CDH20: variants seen among roughly 807,000 people sequenced by gnomAD.
CDH20 encodes cadherin-20.
Under a neutral mutation model 74.2 loss-of-function variants are expected in CDH20, and 29 were observed. That is an observed-to-expected ratio of 0.39 (90% confidence interval 0.29 to 0.53). CDH20 has a LOEUF of 0.53. CDH20 is among the 20% of genes least tolerant of loss of function. CDH20 has a pLI of 0.69. For synonymous variants in CDH20, 469 were observed against 405.4 expected, an observed-to-expected ratio of 1.16 and a Z score of -1.88; for missense variants, 988 against 1,048.3, an observed-to-expected ratio of 0.94 and a Z score of 0.79.
At chr18:61,379,657 A>C (rs1314453924) in intron 1 of CDH20, among the ~76,000 whole-genome samples, 1 of 152,180 alleles carries the variant, frequency 6.6e-6, no homozygotes, top group Non-Finnish European at 1.5e-5. Flanking sequence ...AGCTAAGAAA[A>C]CATCAGAAAG....
chr18:61,341,122 T>A (rs1909934709), intron 1 of CDH20, among the ~76,000 whole-genome samples: 1 of 152,126 alleles, frequency 6.6e-6, no homozygotes, highest in Non-Finnish European at 1.5e-5. Context: ...CCCACACGGG[T>A]GCCAATGTTC....
chr18:61,443,341 T>C (rs1201989358), intron 1 of CDH20, among the ~76,000 whole-genome samples: 6 of 152,178 alleles, frequency 3.9e-5, no homozygotes, highest in African/African-American at 1.4e-4. Flanking sequence ...TCTTTTGCTA[T>C]GTAGGAATAT....
chr18:61,357,472 G>C (rs76409000), intron 1 of CDH20, among the ~76,000 whole-genome samples: 6,305 of 152,238 alleles, frequency 0.041, 185 homozygotes, highest in Non-Finnish European at 0.054. Flanking sequence ...AAATCATTAA[G>C]GGGCCAAATT....
chr18:61,334,657 C>G (rs1568098568), intron 1 of CDH20, among the ~76,000 whole-genome samples: 1 of 152,132 alleles, frequency 6.6e-6, no homozygotes, highest in Non-Finnish European at 1.5e-5. Flanking sequence ...GCCTAGCTAT[C>G]CGCCTCTGGG....
intron 1 of CDH20, among the ~76,000 whole-genome samples, chr18:61,447,047 CT>C (rs1244061748): frequency 2.0e-5 from 3 of 152,206 alleles, no homozygotes; most frequent in Non-Finnish European, 1.5e-5. Context: ...GAAGAGTTTT[CT>C]CTTAGGAAGA....
intron 1 of CDH20, among the ~76,000 whole-genome samples, chr18:61,391,418 C>T (rs983255746): frequency 1.3e-5 from 2 of 151,900 alleles, no homozygotes; most frequent in African/African-American, 4.8e-5. Flanking sequence ...TATAAAATAT[C>T]CATTAAGAGA....
Position 61,507,394 on chromosome 18 carries a change from T to C in CDH20, c.851T>C (p.Leu284Ser), listed in dbSNP as rs373320250. 1 of 1,613,926 alleles carries C rather than the reference T, an allele frequency of 6.2e-7. No homozygotes were observed. Among genetic ancestry groups the C allele is most frequent in the African/African-American group, 1.3e-5 (1 of 75,042 alleles). Residue 284 changes from leucine to serine, a missense_variant, in exon 6 of 12, where the codon TTG becomes TCG. Transcript: ENST00000262717. ...FPQKHYQMSV[L>S]ESAPISSTVG... ...GTAGAACATTACCAGATGAGTGTGT[T>C]GGAATCAGCTCCAATTAGCTCCACT...
intron 1 of CDH20, among the ~76,000 whole-genome samples, chr18:61,476,579 G>A (rs1490956011): frequency 2.6e-5 from 4 of 152,164 alleles, no homozygotes; most frequent in Non-Finnish European, 5.9e-5. Context: ...GTAGAAGGTC[G>A]ATGATAAAGG....
chr18:61,451,201 G>A (rs114580938), intron 1 of CDH20, among the ~76,000 whole-genome samples: 2,163 of 151,406 alleles, frequency 0.014, 49 homozygotes, highest in African/African-American at 0.048. Context: ...TCTGCCCCAG[G>A]GACAGTGGTA....
At chr18:61,476,249 C>G (rs1205562233) in intron 1 of CDH20, among the ~76,000 whole-genome samples, 1 of 152,126 alleles carries the variant, frequency 6.6e-6, no homozygotes, top group East Asian at 1.9e-4. Flanking sequence ...TCCCCAAAGT[C>G]ATCACTCTGT....
In CDH20 at chr18:61,375,914, C is replaced by T. The variant is rs1367089632; in HGVS notation, c.-153+42087C>T. ...ATCCAACTGCATTATCCTTCCACCA[C>T]CATCTTTCTTTGTATAGACTTAATT... On this transcript the variant is annotated intron_variant, in intron 1 of 11. Coordinates refer to ENST00000262717, the MANE Select transcript of CDH20 (RefSeq NM_031891.4). Among the ~76,000 whole-genome samples the T allele has an allele frequency of 2.0e-5, 3 of 152,060 alleles. No homozygotes were observed. In the East Asian group the frequency reaches 5.8e-4, roughly 29 times the overall value.
chr18:61,476,956 C>T (rs894402672), intron 1 of CDH20, among the ~76,000 whole-genome samples: 1 of 152,088 alleles, frequency 6.6e-6, no homozygotes, highest in African/African-American at 2.4e-5. Flanking sequence ...TTTGTGGGGG[C>T]ACAAGCACTC....
intron 1 of CDH20, among the ~76,000 whole-genome samples, chr18:61,380,320 G>A (rs1376525681): frequency 1.3e-5 from 2 of 152,138 alleles, no homozygotes; most frequent in African/African-American, 4.8e-5. Flanking sequence ...GGAAAGAAAA[G>A]GGGAGGAGGT....
At chr18:61,505,241 C>T (rs191382832) in intron 5 of CDH20, among the ~76,000 whole-genome samples, 5 of 152,100 alleles carry the variant, frequency 3.3e-5, no homozygotes, top group Admixed American at 1.3e-4. Context: ...GACATATTGC[C>T]GGGAGTCATG....
chr18:61,441,022 T>C (rs1047789126), intron 1 of CDH20, among the ~76,000 whole-genome samples: 2 of 152,108 alleles, frequency 1.3e-5, no homozygotes, highest in African/African-American at 2.4e-5. Context: ...CATGGAGAAA[T>C]AGCAAACTAA....
chr18:61,336,824 G>GT (rs1283454298), intron 1 of CDH20, among the ~76,000 whole-genome samples: 40 of 150,586 alleles, frequency 2.7e-4, no homozygotes, highest in Admixed American at 1.1e-3. Context: ...ATATGGGGGG[G>GT]GGTGATGAGA....
chr18:61,338,708 G>C (rs1261112862), intron 1 of CDH20, among the ~76,000 whole-genome samples: 3 of 152,098 alleles, frequency 2.0e-5, no homozygotes, highest in Non-Finnish European at 4.4e-5. Context: ...CCATGCAAAA[G>C]TGCACATGTC....
chr18:61,364,373 C>T (rs193058718), intron 1 of CDH20, among the ~76,000 whole-genome samples: 10 of 152,228 alleles, frequency 6.6e-5, no homozygotes, highest in South Asian at 6.2e-4. Context: ...AGTGCAATGG[C>T]GTGATCTTGG....
chr18:61,541,356 A>T (rs1010185942), intron 9 of CDH20, among the ~76,000 whole-genome samples: 5 of 151,900 alleles, frequency 3.3e-5, no homozygotes, highest in African/African-American at 9.7e-5. Context: ...AAATAAGCTA[A>T]TTTTAATCTA....
Sources: allele counts gnomAD v4.1 joint callset (sites outside exome capture counted in the v4.1 genomes callset), GRCh38; gene constraint gnomAD v4.1.1; transcripts MANE v1.5; gene names NCBI Gene and HGNC (gene_info 2026-07-23, HGNC 2026-07-21).